YEATS2: variants seen among roughly 807,000 people sequenced by gnomAD.
The protein encoded by YEATS2 is YEATS domain-containing protein 2.
In YEATS2, 77 loss-of-function variants were observed where a neutral mutation model predicts 163.2. The ratio of observed to expected loss-of-function variants is 0.47; its 90% CI spans 0.39 to 0.57. The LOEUF (loss-of-function observed/expected upper bound fraction) is 0.57. Ranked by LOEUF, YEATS2 falls within the 20% of genes least tolerant of loss-of-function variation. The probability of loss-of-function intolerance (pLI) is 0.00; values close to 1 mark genes in which losing one functional copy is unlikely to be tolerated. For synonymous variants in YEATS2, 631 were observed against 645.1 expected, an observed-to-expected ratio of 0.98 and a Z score of 0.33; for missense variants, 1,549 against 1,729.8, an observed-to-expected ratio of 0.90 and a Z score of 1.85.
At chr3:183,762,473 G>A (rs1477833040) in intron 15 of YEATS2, among the ~76,000 whole-genome samples, 194 bp downstream of exon 15, 3 of 152,214 alleles carry the variant, frequency 2.0e-5, no homozygotes, top group Admixed American at 2.0e-4. Flanking sequence ...GGCAAGAGCC[G>A]CGTTATGTAT....
Position 183,701,756 on chromosome 3 carries a change from C to T in YEATS2, c.-20+3763C>T, listed in dbSNP as rs1048649043. 2.0e-5 allele frequency among the ~76,000 whole-genome samples: 3 copies of T among 152,272 alleles called. 1 individual carries two copies. The South Asian group carries it at 6.2e-4, about 32-fold the overall frequency. On this transcript the variant is annotated intron_variant, in intron 1 of 30. Transcript: ENST00000305135. The stretch of plus-strand genomic sequence containing the variant: ...TCAATTAAAAAAGTATATCCACACT[C>T]TCAAATAAATTAAAACTTAAAAACA...
Position 183,801,530 on chromosome 3 carries a change from T to C in YEATS2, c.3502+2T>C. On this transcript the variant is annotated splice_donor_variant, in intron 25 of 30. Coordinates refer to ENST00000305135, the MANE Select transcript of YEATS2 (RefSeq NM_018023.5). LOFTEE classifies it high-confidence loss of function. The stretch of plus-strand genomic sequence containing the variant: ...AGATTCCATTAATCACTGCAAAAAG[T>C]AAGACAATTACACTGAATATAGGGG... The C allele has an allele frequency of 6.2e-7, 1 of 1,605,396 alleles. No homozygotes were observed. The highest frequency in any genetic ancestry group is 8.5e-7 in the Non-Finnish European group (1 of 1,175,044).
chr3:183,772,513 A>G lies in YEATS2; in HGVS notation c.2156A>G (p.Lys719Arg). Residue 719 changes from lysine (K) to arginine (R), a missense_variant, in exon 16 of 31, where the codon AAG (lysine) becomes AGG (arginine). Lys to Arg is a conservative substitution (Grantham distance 26). Coordinates refer to ENST00000305135, the MANE Select transcript of YEATS2 (RefSeq NM_018023.5). ...GCTCAGCCAGTGCAGACCTTAACCA[A>G]GGCCCAGGTTACTGCCGCTGGTCCT... ...IVAQPVQTLT[K>R]AQVTAAGPQK... is the part of the protein sequence containing the mutation. The G allele has an allele frequency of 6.2e-7, 1 of 1,614,158 alleles. No individual in the cohort carries two copies. The highest frequency in any genetic ancestry group is 8.5e-7 in the Non-Finnish European group (1 of 1,180,038).
chr3:183,790,921 T>C lies in YEATS2; in HGVS notation c.3038T>C (p.Val1013Ala). Residue 1013 changes from valine to alanine, a missense_variant, in exon 21 of 31, where the codon GTC (valine) becomes GCC (alanine). Val to Ala is a moderately conservative substitution (Grantham distance 64). Coordinates refer to ENST00000305135, the MANE Select transcript of YEATS2 (RefSeq NM_018023.5). ...GTCKAATPTV[V>A]SATSLVPTPN... ...TGCAAGGCTGCCACCCCCACCGTCG[T>C]CAGCGCCACGTCCCTCGTGCCTACA... 1 of 1,614,212 alleles carries C rather than the reference T, an allele frequency of 6.2e-7. No homozygotes were observed. Among genetic ancestry groups the C allele is most frequent in the African/African-American group, 1.3e-5 (1 of 75,056 alleles).
In YEATS2 at chr3:183,760,313, A is replaced by AGTTTTTTTTTTTT. The variant is rs1283432086; in HGVS notation, c.1657-1194_1657-1193insGTTTTTTTTTTTT. Among the ~76,000 whole-genome samples the AGTTTTTTTTTTTT allele has an allele frequency of 2.7e-5, 3 of 110,314 alleles. 1 individual carries two copies. The highest frequency in any genetic ancestry group is 3.6e-5 in the African/African-American group (1 of 27,522). The allele number at this position is 110,314 out of a possible 152,430, so 72.4% of individuals were successfully genotyped here. ...TTGAGAATTAAAGAGAAACTACAGAATTTTTTTTTTTTTTTTTTTTTTTTT... is the reference window on the plus strand; with the variant it reads ...TTGAGAATTAAAGAGAAACTACAGAAGTTTTTTTTTTTTTTTTTTTTTTTTTTTTTTTTTTTTT... On this transcript the variant is annotated intron_variant, in intron 13 of 30. Transcript: ENST00000305135.
intron 5 of YEATS2, among the ~76,000 whole-genome samples, chr3:183,722,450 G>A (rs1171927929): frequency 2.0e-5 from 3 of 151,870 alleles, no homozygotes; most frequent in South Asian, 2.1e-4. Flanking sequence ...CACCACGCCC[G>A]GCTAATTTTT....
At chr3:183,764,204 C>T (rs933105727) in intron 15 of YEATS2, among the ~76,000 whole-genome samples, 1 of 151,956 alleles carries the variant, frequency 6.6e-6, no homozygotes, top group African/African-American at 2.4e-5. Context: ...GAAACTGTCT[C>T]TACCAAAAAT....
chr3:183,799,980 C>A (rs1451254421), intron 23 of YEATS2, among the ~76,000 whole-genome samples: 2 of 151,844 alleles, frequency 1.3e-5, no homozygotes, highest in Non-Finnish European at 2.9e-5. Flanking sequence ...CTACAGGCGC[C>A]CGCCACCACG....
At position 183,810,668 on chromosome 3, in the gene YEATS2, T is replaced by G; in HGVS notation, c.*85T>G. The G allele has an allele frequency of 7.7e-7, 1 of 1,306,352 alleles. No homozygotes were observed. The highest frequency in any genetic ancestry group is 1.1e-6 in the Non-Finnish European group (1 of 919,950). 80.9% of individuals were successfully genotyped at this position (1,306,352 alleles called of 1,614,324 possible). On this transcript the variant is annotated 3_prime_UTR_variant, in exon 31 of 31. Coordinates refer to ENST00000305135, the MANE Select transcript of YEATS2 (RefSeq NM_018023.5). ...ACCCTGCTGCTCGGGAAGGAGGTGG[T>G]TTCCAGTGTGACTCGGCATGTCATG...
Position 183,724,446 on chromosome 3 carries a change from A to C in YEATS2, c.565A>C (p.Lys189Gln), listed in dbSNP as rs777240880. The C allele has an allele frequency of 1.2e-6, 2 of 1,613,298 alleles. No individual in the cohort carries two copies. Among genetic ancestry groups the C allele is most frequent in the Non-Finnish European group, 1.7e-6 (2 of 1,179,706 alleles). Residue 189 changes from lysine (K) to glutamine (Q), a missense_variant, in exon 6 of 31, where the codon AAA (lysine) becomes CAA (glutamine). By Grantham distance (53) the Lys-to-Gln change is moderately conservative (BLOSUM62 1). Transcript: ENST00000305135. ...TACTTCTAGAATTACTGGCTCCCAT[A>C]AAACAGAACAGCGGAATGCTGATCT... ...RDTSRITGSHKTEQRNADLTD... is the reference protein window; with the variant it reads ...RDTSRITGSHQTEQRNADLTD...
At position 183,807,214 on chromosome 3, in the gene YEATS2, C is replaced by T. The variant is rs141155295; in HGVS notation, c.4011+122C>T. ...TCACAGACACAGACTCAGACCCAGA[C>T]TCTTCTGGTGCCGTAGATGCTTGAC... is the stretch of plus-strand genomic sequence containing the variant. On this transcript the variant is annotated intron_variant, in intron 28 of 30. Coordinates refer to ENST00000305135, the MANE Select transcript of YEATS2 (RefSeq NM_018023.5). 224 of 883,794 alleles carry T rather than the reference C, an allele frequency of 2.5e-4. No individual in the cohort carries two copies. The African/African-American group carries it at 3.2e-3, about 12-fold the overall frequency. 54.7% of individuals were successfully genotyped at this position (883,794 alleles called of 1,614,324 possible).
At chr3:183,718,446 C>T in intron 3 of YEATS2, 54 bp from the exon 4 acceptor site, 1 of 1,321,880 alleles carries the variant, frequency 7.6e-7, no homozygotes, top group Admixed American at 2.2e-5. Context: ...ATTGTTTGTA[C>T]ATCTCTTTTA....
At chr3:183,712,421 G>A (rs1715368063) in intron 1 of YEATS2, among the ~76,000 whole-genome samples, 1 of 151,740 alleles carries the variant, frequency 6.6e-6, no homozygotes, top group Admixed American at 6.6e-5. Flanking sequence ...ATGTTGGCCA[G>A]CCTGGTCTTG....
At chr3:183,799,134 A>G in intron 23 of YEATS2, 145 bp downstream of exon 23, 1 of 697,578 alleles carries the variant, frequency 1.4e-6, no homozygotes, top group Non-Finnish European at 2.5e-6. Context: ...TGAATCAGTC[A>G]CTTGGCAAAT....
At chr3:183,715,488 A>C (rs1216159640) in intron 2 of YEATS2, among the ~76,000 whole-genome samples, 1 of 152,134 alleles carries the variant, frequency 6.6e-6, no homozygotes, top group African/African-American at 2.4e-5. Flanking sequence ...AAGCGAGACA[A>C]ACTGTGAGTT....
At chr3:183,732,485 A>C (rs1245955996) in intron 7 of YEATS2, among the ~76,000 whole-genome samples, 3 of 151,810 alleles carry the variant, frequency 2.0e-5, no homozygotes, top group Non-Finnish European at 2.9e-5. Context: ...ATAAATAAAT[A>C]TCCCCAGGGT....
chr3:183,782,401 G>A (rs1051267224), intron 19 of YEATS2, among the ~76,000 whole-genome samples: 5 of 149,546 alleles, frequency 3.3e-5, no homozygotes, highest in East Asian at 2.0e-4. Flanking sequence ...GAGCCACCGC[G>A]CCTGGCCAAT....
Position 183,773,672 on chromosome 3 carries a change from A to T in YEATS2, c.2246A>T (p.Asn749Ile). The T allele has an allele frequency of 6.2e-7, 1 of 1,611,758 alleles. No homozygotes were observed. The highest frequency in any genetic ancestry group is 8.5e-7 in the Non-Finnish European group (1 of 1,179,308). The stretch of plus-strand genomic sequence containing the variant: ...CAGCTACCAGCCACTAATTTGGCCA[A>T]CTTGGCAAATTTGCCTCCTGGCACT... ...TLQLPATNLANLANLPPGTKL... is the reference protein window; with the variant it reads ...TLQLPATNLAILANLPPGTKL... The change falls in exon 17 of 31, where the codon AAC becomes ATC. Residue 749 changes from asparagine to isoleucine, a missense_variant. Coordinates refer to ENST00000305135, the MANE Select transcript of YEATS2 (RefSeq NM_018023.5).
intron 1 of YEATS2, among the ~76,000 whole-genome samples, chr3:183,714,605 T>A (rs949871145): frequency 3.3e-5 from 5 of 152,190 alleles, no homozygotes; most frequent in Non-Finnish European, 7.3e-5. Flanking sequence ...TAGATTTGTG[T>A]TTATTGTAAT....
Sources: gnomAD v4.1 joint callset for allele counts (sites outside exome capture counted in the v4.1 genomes callset) on GRCh38, gnomAD v4.1.1 for gene constraint, MANE v1.5 for transcripts, NCBI Gene and HGNC (gene_info 2026-07-23, HGNC 2026-07-21) for gene names.